Variants in DNHD1 observed in about 807,000 individuals in gnomAD.
DNHD1 encodes the protein dynein heavy chain domain 1, also known as dynein heavy chain domain-containing protein 1.
Under a neutral mutation model 458.1 loss-of-function variants are expected in DNHD1, and 383 were observed. That is an observed-to-expected ratio of 0.84 (90% CI 0.77 to 0.91). The LOEUF (loss-of-function observed/expected upper bound fraction) is 0.91. Ranked by LOEUF, DNHD1 falls within the 40% of genes least tolerant of loss-of-function variation. DNHD1 has a pLI of 0.00. For missense variants in DNHD1, 5,336 were observed against 5,866.1 expected (o/e 0.91, Z 2.95); for synonymous variants, 2,203 against 2,376.9 (o/e 0.93, Z 2.13).
intron 24 of DNHD1, 78 bp from the exon 25 acceptor site, chr11:6,556,605 G>C: frequency 1.5e-6 from 2 of 1,365,354 alleles, no homozygotes; most frequent in Non-Finnish European, 2.0e-6. Flanking sequence ...AACCGTGTGT[G>C]GCAGGAATAG....
chr11:6,563,999 GATGCCCA>G lies in DNHD1; in HGVS notation c.10161_10167del (p.Asp3387GlufsTer24). On this transcript the variant is annotated frameshift_variant, in exon 31 of 43. Transcript: ENST00000254579. LOFTEE classifies it high-confidence loss of function. ...TTTGGCCCTGGCTAAGATGGTGGAG[GATGCCCA>G]AGCTTCCCACAACTGCGTGGCAAAG... 2 of 1,551,744 alleles carry G rather than the reference GATGCCCA, an allele frequency of 1.3e-6. No homozygotes were observed. The highest frequency in any genetic ancestry group is 1.7e-6 in the Non-Finnish European group (2 of 1,147,002).
intron 10 of DNHD1, among the ~76,000 whole-genome samples, chr11:6,527,752 C>T (rs1202077938): frequency 2.0e-5 from 3 of 152,204 alleles, no homozygotes; most frequent in Admixed American, 2.0e-4. Flanking sequence ...AGGAGTACTA[C>T]AGGGTTTGGG....
intron 4 of DNHD1, among the ~76,000 whole-genome samples, chr11:6,507,032 A>C (rs1025089391): frequency 1.3e-5 from 2 of 152,174 alleles, no homozygotes; most frequent in Admixed American, 6.5e-5. Context: ...GATGTTTTGG[A>C]AACAGCTGAA....
intron 24 of DNHD1, 74 bp downstream of exon 24, chr11:6,549,007 T>C (rs1456498311): frequency 6.9e-7 from 1 of 1,446,648 alleles, no homozygotes; most frequent in Non-Finnish European, 9.3e-7. Flanking sequence ...GCAATATTCA[T>C]TGACTCTCAA....
Position 6,545,214 on chromosome 11 carries a change from A to C in DNHD1, c.4275A>C (p.Leu1425=). ...TQTQVEALAV[L]GAGGEEVKLQ... is the part of the protein sequence containing the mutation. ...CTCAGGTGGAGGCACTTGCAGTGCT[A>C]GGGGCAGGTGGGGAGGAGGTGAAGC... The change falls in exon 21 of 43, where the codon CTA becomes CTC. Residue 1425 remains leucine, a synonymous_variant. Coordinates refer to ENST00000254579, the MANE Select transcript of DNHD1 (RefSeq NM_144666.3). The surrounding 1 kb of genome is among the most constrained non-coding windows in gnomAD (Gnocchi z 4.9). 1 of 1,551,894 alleles carries C rather than the reference A, an allele frequency of 6.4e-7. No homozygotes were observed. Among genetic ancestry groups the C allele is most frequent in the Non-Finnish European group, 8.7e-7 (1 of 1,147,018 alleles).
At chr11:6,514,706 CTCT>C (rs900019695) in intron 7 of DNHD1, among the ~76,000 whole-genome samples, 87 of 152,138 alleles carry the variant, frequency 5.7e-4, no homozygotes, top group African/African-American at 1.8e-3. Context: ...ATCATTTATG[CTCT>C]TTTTTTATAA....
Position 6,563,494 on chromosome 11 carries a change from G to A in DNHD1, c.9782G>A (p.Cys3261Tyr). 6.4e-7 allele frequency: 1 copy of A among 1,551,738 alleles called. No individual in the cohort carries two copies. Among genetic ancestry groups the A allele is most frequent in the Non-Finnish European group, 8.7e-7 (1 of 1,146,996 alleles). Residue 3261 changes from cysteine (C) to tyrosine (Y), a missense_variant, in exon 30 of 43, where the codon TGT becomes TAT. Coordinates refer to ENST00000254579, the MANE Select transcript of DNHD1 (RefSeq NM_144666.3). ...GTGGTCCGGGTAACTGATGCAATGT[G>A]TGACTTGTTCCACCATGAAACAGGC... is the stretch of plus-strand genomic sequence containing the variant. ...ESVVRVTDAM[C>Y]DLFHHETGWA...
At chr11:6,544,512 C>T in intron 19 of DNHD1, 62 bp from the exon 20 acceptor site, 1 of 1,366,456 alleles carries the variant, frequency 7.3e-7, no homozygotes, top group Middle Eastern at 1.9e-4. Context: ...GCAGGGTGGA[C>T]TCCCCTGCAG....
rs1267601260 is a variant in DNHD1 at position 6,565,741 on chromosome 11, G to C, written c.10803G>C (p.Met3601Ile). The C allele has an allele frequency of 1.3e-6, 2 of 1,551,014 alleles. No homozygotes were observed. The highest frequency in any genetic ancestry group is 3.9e-5 in the Admixed American group (2 of 50,878). ...AAAAGAGAGAGAGTAAAACGGACAT[G>C]AAAGAGGAAGATGATGAGAGTGAAG... ...RNQKRESKTDMKEEDDESEES... is the reference protein window; with the variant it reads ...RNQKRESKTDIKEEDDESEES... The change falls in exon 33 of 43, where the codon ATG becomes ATC. Residue 3601 changes from methionine to isoleucine, a missense_variant. Met to Ile is a conservative substitution (Grantham distance 10, BLOSUM62 1). Transcript: ENST00000254579.
chr11:6,551,565 C>G (rs889751725), intron 24 of DNHD1, among the ~76,000 whole-genome samples: 1 of 152,104 alleles, frequency 6.6e-6, no homozygotes, highest in African/African-American at 2.4e-5. Flanking sequence ...CGCCTATTAA[C>G]ACAAATCAAG....
Position 6,509,083 on chromosome 11 carries a change from G to A in DNHD1, c.1124G>A (p.Cys375Tyr). 6.2e-7 allele frequency: 1 copy of A among 1,614,012 alleles called. No homozygotes were observed. ...TGCCTCTTACGCAAGTCCTTTACCT[G>A]GTAGGTAATGACGGATATGTGATTT... is the stretch of plus-strand genomic sequence containing the variant. Reference protein sequence around the residue: ...KYCLLRKSFTCWKKNVRLQGL... With the variant: ...KYCLLRKSFTYWKKNVRLQGL... The change falls in exon 5 of 43, where the codon TGT (cysteine) becomes TAT (tyrosine). Residue 375 changes from cysteine (C) to tyrosine (Y), a missense_variant and splice_region_variant. Coordinates refer to ENST00000254579, the MANE Select transcript of DNHD1 (RefSeq NM_144666.3).
chr11:6,542,920 T>A (rs914785262), intron 18 of DNHD1, among the ~76,000 whole-genome samples: 3 of 152,224 alleles, frequency 2.0e-5, no homozygotes, highest in African/African-American at 7.2e-5. Context: ...TACCTCGTCA[T>A]AATCTTCCCC....
At chr11:6,511,052 C>G (rs2723654) in intron 6 of DNHD1, among the ~76,000 whole-genome samples, 4,607 of 152,264 alleles carry the variant, frequency 0.03, 230 homozygotes, top group African/African-American at 0.1. Flanking sequence ...GCACATACCC[C>G]AAGCCTTTTC....
At position 6,533,787 on chromosome 11, in the gene DNHD1, A is replaced by G; in HGVS notation, c.2612A>G (p.Asn871Ser). Residue 871 changes from asparagine to serine, a missense_variant, in exon 14 of 43, where the codon AAT (asparagine) becomes AGT (serine). This residue lies in a region of DNHD1 where 3,932 missense variants were observed against 4,365.6 expected (regional missense o/e 0.90). Coordinates refer to ENST00000254579, the MANE Select transcript of DNHD1 (RefSeq NM_144666.3). ...RNHFSLFSAE[N>S]EALDISVRRQ... ...CACTTTAGCCTCTTTAGTGCTGAGA[A>G]TGAAGCACTGGACATCTCGGTGAGA... 6.4e-7 allele frequency: 1 copy of G among 1,551,504 alleles called. No homozygotes were observed. Among genetic ancestry groups the G allele is most frequent in the Non-Finnish European group, 8.7e-7 (1 of 1,146,928 alleles).
At chr11:6,561,598 A>G (rs1321352696) in intron 28 of DNHD1, among the ~76,000 whole-genome samples, 4 of 152,222 alleles carry the variant, frequency 2.6e-5, no homozygotes, top group Non-Finnish European at 5.9e-5. Context: ...AGCACTCCAA[A>G]TATCAAGAAA....
Position 6,547,851 on chromosome 11 carries a change from C to T in DNHD1, c.6728-12C>T. On this transcript the variant is annotated splice_polypyrimidine_tract_variant and intron_variant, in intron 21 of 42. Transcript: ENST00000254579. ...ACTGGGGCTCCTCTCGTGGCCATGG[C>T]AACTTTCACAGAGGACCTCAGCTAT... 1 of 1,551,450 alleles carries T rather than the reference C, an allele frequency of 6.4e-7. No individual in the cohort carries two copies. Among genetic ancestry groups the T allele is most frequent in the Non-Finnish European group, 8.7e-7 (1 of 1,146,894 alleles).
chr11:6,570,560 TC>T, intron 41 of DNHD1, 57 bp from the exon 42 acceptor site: 2 of 1,507,076 alleles, frequency 1.3e-6, no homozygotes, highest in Non-Finnish European at 1.8e-6. Flanking sequence ...GCCTACTCTC[TC>T]GAGTCTAGGG....
At chr11:6,514,097 C>G (rs1307385145) in intron 7 of DNHD1, among the ~76,000 whole-genome samples, 1 of 152,122 alleles carries the variant, frequency 6.6e-6, no homozygotes, top group African/African-American at 2.4e-5. Context: ...CCACCTGCCT[C>G]AGCCTCCCGA....
intron 10 of DNHD1, 28 bp downstream of exon 10, chr11:6,520,317 A>C: frequency 6.4e-7 from 1 of 1,551,528 alleles, no homozygotes; most frequent in Non-Finnish European, 8.7e-7. Flanking sequence ...GGCAGGGGGT[A>C]GGAAGGCTGA....
Sources: gnomAD v4.1 joint callset for allele counts (sites outside exome capture counted in the v4.1 genomes callset) on GRCh38, gnomAD v4.1.1 for gene constraint, gnomAD v4.1.1 regional missense constraint, Gnocchi (gnomAD v3.1) non-coding constraint, MANE v1.5 for transcripts, NCBI Gene and HGNC (gene_info 2026-07-23, HGNC 2026-07-21) for gene names.